Variants in EXOC4 observed in about 807,000 individuals in gnomAD.
The protein encoded by EXOC4 is exocyst complex component 4.
In EXOC4, 71 loss-of-function variants were observed where a neutral mutation model predicts 107.2. The ratio of observed to expected loss-of-function variants is 0.66; its 90% CI spans 0.55 to 0.81. The LOEUF (loss-of-function observed/expected upper bound fraction) is 0.81, where lower values mean the gene tolerates loss of function less well. Among genes scored for constraint, EXOC4 ranks in the 30% least tolerant of loss-of-function variants. EXOC4 has a pLI of 0.00. For synonymous variants in EXOC4, 456 were observed against 441.2 expected, an observed-to-expected ratio of 1.03 and a Z score of -0.42; for missense variants, 1,108 against 1,189.6, an observed-to-expected ratio of 0.93 and a Z score of 1.01.
chr7:134,086,299 T>C, the EXOC4 span, among the ~76,000 whole-genome samples: 1 of 152,198 alleles, frequency 6.6e-6, no homozygotes. Context: ...AATTTGAAAG[T>C]TGAGCACTGA....
At chr7:133,839,202 AAACAGTCGTT>A (rs1797976864) in intron 11 of EXOC4, among the ~76,000 whole-genome samples, 1 of 152,186 alleles carries the variant, frequency 6.6e-6, no homozygotes, top group Admixed American at 6.5e-5. Context: ...CTTCTTTGGC[AAACAGTCGTT>A]TATACTTGTA....
chr7:133,316,064 T>C (rs1316712969), intron 4 of EXOC4, among the ~76,000 whole-genome samples: 1 of 152,190 alleles, frequency 6.6e-6, no homozygotes, highest in Non-Finnish European at 1.5e-5. Context: ...AATTTCACTC[T>C]TTAACACAGT....
chr7:133,546,253 C>CTTTTTTT (rs368101148), intron 9 of EXOC4, among the ~76,000 whole-genome samples: 7 of 119,324 alleles, frequency 5.9e-5, no homozygotes, highest in Non-Finnish European at 1.0e-4. Flanking sequence ...AGCTGGAAAA[C>CTTTTTTT]TTTTTTTTTT....
At chr7:134,081,851 G>C in the EXOC4 span, among the ~76,000 whole-genome samples, 22 of 152,178 alleles carry the variant, frequency 1.4e-4, no homozygotes, top group Admixed American at 1.4e-3. Context: ...TGTGGGCTGT[G>C]TACAGAAAAA....
chr7:133,933,640 C>T (rs1800230718), intron 13 of EXOC4, among the ~76,000 whole-genome samples: 1 of 152,202 alleles, frequency 6.6e-6, no homozygotes, highest in South Asian at 2.1e-4. Context: ...ATAATACTGT[C>T]CAGTTGCCAG....
At chr7:133,519,315 C>G (rs141534188) in intron 9 of EXOC4, among the ~76,000 whole-genome samples, 494 of 152,078 alleles carry the variant, frequency 3.2e-3, no homozygotes, top group African/African-American at 0.012. Context: ...AGGAGCTACT[C>G]AGGTGGCTGA....
At chr7:133,763,333 TG>T (rs1407321563) in intron 10 of EXOC4, among the ~76,000 whole-genome samples, 1 of 152,160 alleles carries the variant, frequency 6.6e-6, no homozygotes, top group Non-Finnish European at 1.5e-5. Context: ...TTAAAATTCC[TG>T]TCTGTATCCC....
Position 133,561,054 on chromosome 7 carries a change from G to A in EXOC4, c.1418-68991G>A, listed in dbSNP as rs77095801. Among the ~76,000 whole-genome samples the A allele has an allele frequency of 2.7e-3, 404 of 152,246 alleles. 1 individual carries two copies. The highest frequency in any genetic ancestry group is 9.4e-3 in the African/African-American group (392 of 41,540). On this transcript the variant is annotated intron_variant, in intron 9 of 17. Coordinates refer to ENST00000253861, the MANE Select transcript of EXOC4 (RefSeq NM_021807.4). Reference sequence around the variant, plus strand: ...TCACAAGATGACTGCTACTAGGACAGTCATTATGTACCTGGTTGAGGCAAG... The same window carrying A: ...TCACAAGATGACTGCTACTAGGACAATCATTATGTACCTGGTTGAGGCAAG...
At chr7:133,398,845 T>G (rs1346917298) in intron 7 of EXOC4, among the ~76,000 whole-genome samples, 1 of 152,224 alleles carries the variant, frequency 6.6e-6, no homozygotes, top group East Asian at 1.9e-4. Flanking sequence ...CAAAGGATGC[T>G]CTCTGGCTTA....
intron 13 of EXOC4, among the ~76,000 whole-genome samples, chr7:133,937,166 T>C (rs1800323179): frequency 6.6e-6 from 1 of 152,110 alleles, no homozygotes; most frequent in Non-Finnish European, 1.5e-5. Context: ...TAACCCCCTG[T>C]AACTTGATTT....
intron 7 of EXOC4, among the ~76,000 whole-genome samples, chr7:133,429,112 G>A (rs1472698450): frequency 1.3e-5 from 2 of 152,150 alleles, no homozygotes; most frequent in African/African-American, 4.8e-5. Flanking sequence ...GAACAATGAT[G>A]AAGGAGAAGT....
intron 7 of EXOC4, among the ~76,000 whole-genome samples, chr7:133,385,046 G>GTGGCTTCTGTTTCACCATATGACCT (rs1332932271): frequency 1.1e-4 from 16 of 152,082 alleles, no homozygotes; most frequent in African/African-American, 3.6e-4. Context: ...GCTTCTCCAC[G>GTGGCTTCTGTTTCACCATATGACCT]TGGCTTCTGT....
intron 9 of EXOC4, among the ~76,000 whole-genome samples, chr7:133,588,107 G>A (rs1310107942): frequency 6.6e-6 from 1 of 152,152 alleles, no homozygotes; most frequent in Non-Finnish European, 1.5e-5. Context: ...GGGAAATTGT[G>A]TATTTTATCT....
At chr7:133,622,007 C>T (rs1295846584) in intron 9 of EXOC4, among the ~76,000 whole-genome samples, 1 of 152,148 alleles carries the variant, frequency 6.6e-6, no homozygotes, top group Non-Finnish European at 1.5e-5. Context: ...TAGGGTCTCA[C>T]TCTGTTGCCC....
intron 9 of EXOC4, among the ~76,000 whole-genome samples, chr7:133,605,477 A>G (rs1420676656): frequency 6.6e-6 from 1 of 152,292 alleles, no homozygotes; most frequent in East Asian, 1.9e-4. Context: ...TGTTTTGGAC[A>G]CTAAGTATAA....
chr7:134,064,375 G>A lies in EXOC4; in HGVS notation c.2772G>A (p.Glu924=). The A allele has an allele frequency of 1.3e-6, 2 of 1,583,122 alleles. No homozygotes were observed. The highest frequency in any genetic ancestry group is 1.7e-6 in the Non-Finnish European group (2 of 1,162,146). The change falls in exon 18 of 18, where the codon GAG becomes GAA. Residue 924 remains glutamate (E), a synonymous_variant. Transcript: ENST00000253861. ...VDQGVKYTEL[E]YIHALTLLHR... is the part of the protein sequence containing the mutation. ...AGGGTGTGAAGTACACGGAGCTGGA[G>A]TACATCCACGCTCTGACCCTGCTGC...
chr7:133,742,992 T>C (rs760870343), intron 10 of EXOC4, among the ~76,000 whole-genome samples: 9 of 152,158 alleles, frequency 5.9e-5, no homozygotes, highest in Non-Finnish European at 1.3e-4. Context: ...GTGTAGGTGC[T>C]GCTGGTGGTT....
chr7:133,943,407 A>G (rs1407429228), intron 14 of EXOC4, among the ~76,000 whole-genome samples: 1 of 152,200 alleles, frequency 6.6e-6, no homozygotes, highest in African/African-American at 2.4e-5. Flanking sequence ...TTTTGTGATC[A>G]AATAGACTTG....
intron 1 of EXOC4, among the ~76,000 whole-genome samples, chr7:133,257,524 C>T (rs1795047253): frequency 6.6e-6 from 1 of 152,172 alleles, no homozygotes; most frequent in African/African-American, 2.4e-5. Context: ...TCTGTGAGTT[C>T]TTGCCAGATT....
Sources: allele counts gnomAD v4.1 joint callset (sites outside exome capture counted in the v4.1 genomes callset), GRCh38; gene constraint gnomAD v4.1.1; transcripts MANE v1.5; gene names NCBI Gene and HGNC (gene_info 2026-07-23, HGNC 2026-07-21).